The following PRR11 variants were observed in gnomAD, a reference collection of about 807,000 sequenced individuals.
PRR11 encodes the protein proline-rich protein 11.
Under a neutral mutation model 45.6 loss-of-function variants are expected in PRR11, and 30 were observed. That is an observed-to-expected ratio of 0.66 (90% CI 0.49 to 0.89). The LOEUF is 0.89. Among genes scored for constraint, PRR11 ranks in the 40% least tolerant of loss-of-function variants. The pLI, the probability that PRR11 is intolerant of heterozygous loss-of-function variation, is 0.00. For synonymous variants in PRR11, 128 were observed against 153.5 expected, an observed-to-expected ratio of 0.83 and a Z score of 1.23; for missense variants, 373 against 424.8, an observed-to-expected ratio of 0.88 and a Z score of 1.07.
At chr17:59,200,946 T>A (rs531775896) in intron 9 of PRR11, among the ~76,000 whole-genome samples, 24 of 151,336 alleles carry the variant, frequency 1.6e-4, no homozygotes, top group South Asian at 8.3e-4. Flanking sequence ...TTTTTTTTTT[T>A]AAATTTATTT....
At chr17:59,180,136 T>G (rs2046773614) in intron 2 of PRR11, among the ~76,000 whole-genome samples, 5 of 148,328 alleles carry the variant, frequency 3.4e-5, no homozygotes, top group African/African-American at 1.3e-4. Context: ...CCTTTTTTTT[T>G]TTTTTTTTTT....
chr17:59,201,619 T>C lies in PRR11; in HGVS notation c.1071T>C (p.Asp357=), dbSNP rs902221397. 5 of 1,613,472 alleles carry C rather than the reference T, an allele frequency of 3.1e-6. No homozygotes were observed. The highest frequency in any genetic ancestry group is 4.2e-6 in the Non-Finnish European group (5 of 1,179,966). ...TGCCACTTTCTACAAGCAGCTTTGA[T>C]GAACAAAACTGATGCCAACTCTGCC... ...PTLPLSTSSF[D]EQN is the part of the protein sequence containing the mutation. The change falls in exon 10 of 10, where the codon GAT becomes GAC. Residue 357 remains aspartate, a synonymous_variant. Coordinates refer to ENST00000262293, the MANE Select transcript of PRR11 (RefSeq NM_018304.4).
intron 7 of PRR11, among the ~76,000 whole-genome samples, chr17:59,195,945 G>A (rs1051748360): frequency 5.9e-5 from 9 of 151,766 alleles, no homozygotes; most frequent in Admixed American, 1.3e-4. Context: ...AAAATTAGCC[G>A]GATGCAGTGG....
chr17:59,187,644 C>T (rs925543908), intron 4 of PRR11, among the ~76,000 whole-genome samples: 3 of 152,008 alleles, frequency 2.0e-5, no homozygotes, highest in Non-Finnish European at 2.9e-5. Context: ...GTGGGCAGAT[C>T]ACTTGAGGTC....
intron 2 of PRR11, among the ~76,000 whole-genome samples, chr17:59,183,265 TTCTCCACTC>T (rs1311950768): frequency 6.6e-6 from 1 of 152,202 alleles, no homozygotes; most frequent in Non-Finnish European, 1.5e-5. Context: ...AGGCTGTGTC[TTCTCCACTC>T]AAAGCCTGAA....
In PRR11 at chr17:59,176,504, C is replaced by A. The variant is rs535752192; in HGVS notation, c.128+6624C>A. Among the ~76,000 whole-genome samples, 28 of 151,878 alleles carry A rather than the reference C, an allele frequency of 1.8e-4. 1 individual carries two copies. Among genetic ancestry groups the A allele is most frequent in the African/African-American group, 6.5e-4 (27 of 41,400 alleles). On this transcript the variant is annotated intron_variant, in intron 2 of 9. Coordinates refer to ENST00000262293, the MANE Select transcript of PRR11 (RefSeq NM_018304.4). ...TCTGTCATGGGAACCCGGAGGAGGT[C>A]GATGGCGTTTGCAGTTGATATGGGA... is the stretch of plus-strand genomic sequence containing the variant.
chr17:59,179,086 G>A (rs1426596102), intron 2 of PRR11, among the ~76,000 whole-genome samples: 2 of 152,142 alleles, frequency 1.3e-5, no homozygotes, highest in Non-Finnish European at 2.9e-5. Context: ...TGCAACCTCG[G>A]CCTCCCGAGT....
At chr17:59,199,166 A>AG (rs1238369336) in intron 9 of PRR11, among the ~76,000 whole-genome samples, 1 of 152,200 alleles carries the variant, frequency 6.6e-6, no homozygotes, top group African/African-American at 2.4e-5. Context: ...ATGATCTAGG[A>AG]GGGACTCCCT....
rs2046894669 is a variant in PRR11 at position 59,201,940 on chromosome 17, C to T, written c.*309C>T. The stretch of plus-strand genomic sequence containing the variant: ...GAGCCAAGATCGCGTCATTGCACTC[C>T]AGCCTGAGCAACAAGAGCAAAACAA... On this transcript the variant is annotated 3_prime_UTR_variant, in exon 10 of 10. Transcript: ENST00000262293. 5 of 274,566 alleles carry T rather than the reference C, an allele frequency of 1.8e-5. No homozygotes were observed. The South Asian group carries it at 3.1e-4, about 17-fold the overall frequency. The allele number at this position is 274,566 out of a possible 1,614,324, so 17.0% of individuals were successfully genotyped here.
At chr17:59,172,639 C>T (rs977486896) in intron 2 of PRR11, among the ~76,000 whole-genome samples, 9 of 152,350 alleles carry the variant, frequency 5.9e-5, no homozygotes, top group African/African-American at 2.2e-4. Context: ...CCCGGCCAGC[C>T]CGGGCAGTGA....
chr17:59,197,021 G>A (rs1275176591), intron 7 of PRR11, among the ~76,000 whole-genome samples: 6 of 149,372 alleles, frequency 4.0e-5, no homozygotes, highest in African/African-American at 9.8e-5. Flanking sequence ...GCTAATTTTC[G>A]TATTTTTAGT....
rs2046895912 is a variant in PRR11, at chr17:59,202,182, G to A, written c.*551G>A. ...GGGAAAATACAATCTCCAAAGTGAT[G>A]TTTATCCTGGAATTACCCAATTTAG... is the stretch of plus-strand genomic sequence containing the variant. On this transcript the variant is annotated 3_prime_UTR_variant, in exon 10 of 10. Coordinates refer to ENST00000262293, the MANE Select transcript of PRR11 (RefSeq NM_018304.4). The A allele has an allele frequency of 6.5e-6, 1 of 153,880 alleles. No homozygotes were observed. The highest frequency in any genetic ancestry group is 2.4e-5 in the African/African-American group (1 of 41,420). 9.5% of individuals were successfully genotyped at this position (153,880 alleles called of 1,614,324 possible).
intron 1 of PRR11, among the ~76,000 whole-genome samples, chr17:59,158,722 T>C (rs2046637698): frequency 6.6e-6 from 1 of 151,960 alleles, no homozygotes. Context: ...TAGACAATAG[T>C]GAAAGACAAA....
At chr17:59,182,682 T>G (rs1391770602) in intron 2 of PRR11, among the ~76,000 whole-genome samples, 2 of 152,248 alleles carry the variant, frequency 1.3e-5, no homozygotes, top group Admixed American at 1.3e-4. Context: ...TGTGAGCCAC[T>G]GCACCTGGCC....
At chr17:59,182,026 GTT>G (rs58846857) in intron 2 of PRR11, among the ~76,000 whole-genome samples, 80 of 138,656 alleles carry the variant, frequency 5.8e-4, no homozygotes, top group Middle Eastern at 7.2e-3. Flanking sequence ...TTTGTTATTG[GTT>G]TTTTTTTTTT....
intron 1 of PRR11, among the ~76,000 whole-genome samples, chr17:59,165,051 C>T (rs62081892): frequency 0.36 from 54,581 of 151,780 alleles, 10,242 homozygotes; most frequent in African/African-American, 0.46. Flanking sequence ...GACAGAGTCT[C>T]GCTCCGTCGC....
chr17:59,186,278 T>G (rs1412437211), intron 4 of PRR11, among the ~76,000 whole-genome samples: 1 of 151,566 alleles, frequency 6.6e-6, no homozygotes, highest in Non-Finnish European at 1.5e-5. Context: ...ATGGGGAGAT[T>G]TTTTGGCCAT....
Position 59,201,845 on chromosome 17 carries a change from C to G in PRR11, c.*214C>G. 2.0e-6 allele frequency: 1 copy of G among 499,086 alleles called. No homozygotes were observed. The allele number at this position is 499,086 out of a possible 1,614,324, so 30.9% of individuals were successfully genotyped here. On this transcript the variant is annotated 3_prime_UTR_variant, in exon 10 of 10. Coordinates refer to ENST00000262293, the MANE Select transcript of PRR11 (RefSeq NM_018304.4). ...AATTAGCTGGGCATAGTGGCGGGTG[C>G]CTGTAATCCCAGCTATGCGGGAGGC...
chr17:59,181,727 G>T, intron 2 of PRR11: 2 of 1,556,696 alleles, frequency 1.3e-6, no homozygotes, highest in Non-Finnish European at 1.7e-6. Flanking sequence ...CTACATGGGA[G>T]GCTGGGATCT....
Sources: allele counts gnomAD v4.1 joint callset (sites outside exome capture counted in the v4.1 genomes callset), GRCh38; gene constraint gnomAD v4.1.1; transcripts MANE v1.5; gene names NCBI Gene and HGNC (gene_info 2026-07-23, HGNC 2026-07-21).